TACC2: variants seen among roughly 807,000 people sequenced by gnomAD.
TACC2 encodes the protein transforming acidic coiled-coil containing protein 2.
In TACC2, 137 loss-of-function variants were observed where a neutral mutation model predicts 227.3. The ratio of observed to expected loss-of-function variants is 0.60; its 90% CI spans 0.52 to 0.69. TACC2 has a LOEUF of 0.69. Ranked by LOEUF, TACC2 falls within the 30% of genes least tolerant of loss-of-function variation. The pLI, the probability that TACC2 is intolerant of heterozygous loss-of-function variation, is 0.00. For synonymous variants in TACC2, 1,523 were observed against 1,487.5 expected (o/e 1.02, Z -0.55); for missense variants, 3,470 against 3,694.4 (o/e 0.94, Z 1.57).
chr10:122,109,902 A>G (rs1237395671), intron 5 of TACC2, among the ~76,000 whole-genome samples: 1 of 152,188 alleles, frequency 6.6e-6, no homozygotes, highest in Non-Finnish European at 1.5e-5. Context: ...TTTCAGCATA[A>G]GTTCTCTATA....
chr10:122,054,423 T>G (rs1259148851), intron 3 of TACC2, among the ~76,000 whole-genome samples: 1 of 152,210 alleles, frequency 6.6e-6, no homozygotes, highest in Non-Finnish European at 1.5e-5. Flanking sequence ...TACAGCTGAT[T>G]AGCAGTCTGG....
chr10:122,147,440 C>T (rs1045514514), intron 7 of TACC2, among the ~76,000 whole-genome samples: 1 of 152,170 alleles, frequency 6.6e-6, no homozygotes, highest in African/African-American at 2.4e-5. Context: ...CCACTGCGCC[C>T]CGCCAAGTTC....
chr10:122,084,724 T>A lies in TACC2; in HGVS notation c.2224T>A (p.Leu742Met), dbSNP rs1421860489. The A allele has an allele frequency of 6.2e-7, 1 of 1,613,490 alleles. No individual in the cohort carries two copies. The change falls in exon 4 of 23, where the codon TTG becomes ATG. Residue 742 changes from leucine (L) to methionine (M), a missense_variant. Leu to Met is a conservative substitution (Grantham distance 15). This residue lies in a region of TACC2 where 1,924 missense variants were observed against 1,978.3 expected (regional missense o/e 0.97). Coordinates refer to ENST00000369005, the MANE Select transcript of TACC2 (RefSeq NM_206862.4). ...CAAAGCCCAGGAAGGTGAGAGCACA[T>A]TGGAAATAAGGAAGATGGGCAGCTG... Reference protein sequence around the residue: ...APKAQEGESTLEIRKMGSCDG... With the variant: ...APKAQEGESTMEIRKMGSCDG...
chr10:122,081,919 G>C (rs886217870), intron 3 of TACC2, among the ~76,000 whole-genome samples: 3 of 152,184 alleles, frequency 2.0e-5, no homozygotes, highest in Non-Finnish European at 4.4e-5. Context: ...TTGCCAACTT[G>C]TGCTTTTTCC....
intron 15 of TACC2, 46 bp downstream of exon 15, chr10:122,229,532 G>A: frequency 1.2e-6 from 2 of 1,609,716 alleles, no homozygotes; most frequent in Non-Finnish European, 1.7e-6. Context: ...CAAAACCTCA[G>A]TAGAGAATGA....
chr10:122,110,450 G>A (rs1218833042), intron 5 of TACC2, among the ~76,000 whole-genome samples: 2 of 152,172 alleles, frequency 1.3e-5, no homozygotes, highest in African/African-American at 2.4e-5. Flanking sequence ...TGATATCGAC[G>A]TATTTCTGTC....
chr10:122,216,882 C>G lies in TACC2; in HGVS notation c.7546+54C>G, dbSNP rs778249068. 3.1e-6 allele frequency: 5 copies of G among 1,613,604 alleles called. No homozygotes were observed. The African/African-American group carries it at 5.3e-5, about 17-fold the overall frequency. ...CCACTCTGCCTCGGAGAATCCTGCCCCTAGGGAGCCAAAGGCCAGGAGAGA... is the reference window on the plus strand; with the variant it reads ...CCACTCTGCCTCGGAGAATCCTGCCGCTAGGGAGCCAAAGGCCAGGAGAGA... On this transcript the variant is annotated intron_variant, in intron 11 of 22. Transcript: ENST00000369005.
rs765447651 is a variant in TACC2 at position 122,210,644 on chromosome 10, G to A, written c.6219G>A (p.Thr2073=). The change falls in exon 9 of 23, where the codon ACG becomes ACA. Residue 2073 remains threonine (T), a synonymous_variant. Coordinates refer to ENST00000369005, the MANE Select transcript of TACC2 (RefSeq NM_206862.4). The surrounding 1 kb of genome is among the most constrained non-coding windows in gnomAD (Gnocchi z 4.6). ...EGKVNTRRKS[T]DSVPISKSTL... ...AAGTGAACACACGGAGGAAGTCCAC[G>A]GATTCCGTCCCCATCTCTAAGTCTA... 16 of 1,613,836 alleles carry A rather than the reference G, an allele frequency of 9.9e-6. No homozygotes were observed. The highest frequency in any genetic ancestry group is 8.9e-5 in the East Asian group (4 of 44,866).
chr10:122,088,524 A>G lies in TACC2; in HGVS notation c.5506A>G (p.Lys1836Glu). The change falls in exon 5 of 23, where the codon AAG becomes GAG. Residue 1836 changes from lysine (K) to glutamate (E), a missense_variant. Physicochemically the swap from Lys to Glu is moderately conservative, Grantham distance 56. Around this residue, in one of 10 missense-constraint regions of TACC2, gnomAD observed 1,924 missense variants for 1,978.3 expected, o/e 0.97. Coordinates refer to ENST00000369005, the MANE Select transcript of TACC2 (RefSeq NM_206862.4). ...ATCCATGTTACCTTCGGTTCCTAAG[A>G]AGGATGCTCCAAGAGTCATGGATAA... ...GPSMLPSVPK[K>E]DAPRVMDKVT... The G allele has an allele frequency of 6.2e-7, 1 of 1,613,916 alleles. No homozygotes were observed. The highest frequency in any genetic ancestry group is 1.7e-5 in the Admixed American group (1 of 59,972).
At chr10:122,001,266 C>G (rs1954288097) in intron 1 of TACC2, among the ~76,000 whole-genome samples, 1 of 152,220 alleles carries the variant, frequency 6.6e-6, no homozygotes, top group African/African-American at 2.4e-5. Flanking sequence ...TTAATTGACT[C>G]ACAGTTTCAC....
At chr10:122,018,990 C>T (rs1433075459) in intron 1 of TACC2, among the ~76,000 whole-genome samples, 1 of 152,170 alleles carries the variant, frequency 6.6e-6, no homozygotes, top group East Asian at 1.9e-4. Flanking sequence ...AGGGGTAAGG[C>T]GCTTCCATTT....
At chr10:122,230,663 T>C (rs183816784) in intron 16 of TACC2, among the ~76,000 whole-genome samples, 107 of 152,302 alleles carry the variant, frequency 7.0e-4, no homozygotes, top group African/African-American at 2.6e-3. Flanking sequence ...GTAATGCTGG[T>C]TAAATGAGAG....
intron 3 of TACC2, among the ~76,000 whole-genome samples, chr10:122,071,481 G>T (rs553882397): frequency 1.3e-5 from 2 of 151,994 alleles, no homozygotes; most frequent in Admixed American, 1.3e-4. Flanking sequence ...GATAGTTTTC[G>T]AATTTTCTTT....
At chr10:122,057,791 A>C (rs973507175) in intron 3 of TACC2, among the ~76,000 whole-genome samples, 7 of 152,008 alleles carry the variant, frequency 4.6e-5, no homozygotes, top group African/African-American at 1.4e-4. Context: ...GAGCCATTGC[A>C]CTCCAGCCTG....
rs1232356115 is a variant in TACC2 at position 122,176,115 on chromosome 10, C to CTA, written c.5835-18924_5835-18923insAT. ...TCTCTCTCTCTCTCTCTCTCTCTCT[C>CTA]TCTATATATATATATATATATATAT... On this transcript the variant is annotated intron_variant, in intron 7 of 22. Coordinates refer to ENST00000369005, the MANE Select transcript of TACC2 (RefSeq NM_206862.4). Among the ~76,000 whole-genome samples, 249 of 47,132 alleles carry CTA rather than the reference C, an allele frequency of 5.3e-3. 1 individual carries two copies. The highest frequency in any genetic ancestry group is 7.6e-3 in the Non-Finnish European group (202 of 26,708). The allele number at this position is 47,132 out of a possible 152,430, so 30.9% of individuals were successfully genotyped here.
intron 5 of TACC2, among the ~76,000 whole-genome samples, chr10:122,094,704 T>G (rs1444391379): frequency 6.6e-6 from 1 of 152,234 alleles, no homozygotes; most frequent in Non-Finnish European, 1.5e-5. Flanking sequence ...CACCTTGGCT[T>G]CTGGCTCTCC....
chr10:122,011,522 G>A (rs973289666), intron 1 of TACC2, among the ~76,000 whole-genome samples: 2 of 152,108 alleles, frequency 1.3e-5, no homozygotes, highest in Non-Finnish European at 2.9e-5. Context: ...TAGAGACAGG[G>A]TTTCACCATG....
rs1243488718 is a variant in TACC2, at chr10:122,083,901, A to G, written c.1401A>G (p.Gly467=). 1.2e-6 allele frequency: 2 copies of G among 1,614,082 alleles called. No individual in the cohort carries two copies. The highest frequency in any genetic ancestry group is 3.3e-5 in the Admixed American group (2 of 60,014). The part of the protein sequence containing the change: ...AKEVVDAGLV[G]LERQVSDLGS... ...AGGTGGTGGATGCAGGGTTGGTGGGACTGGAGAGGCAGGTGTCAGATCTTG... is the reference window on the plus strand; with the variant it reads ...AGGTGGTGGATGCAGGGTTGGTGGGGCTGGAGAGGCAGGTGTCAGATCTTG... Residue 467 remains glycine (G), a synonymous_variant, in exon 4 of 23, where the codon GGA becomes GGG. Coordinates refer to ENST00000369005, the MANE Select transcript of TACC2 (RefSeq NM_206862.4).
chr10:122,020,499 T>C (rs1459377198), intron 1 of TACC2, among the ~76,000 whole-genome samples: 2 of 152,210 alleles, frequency 1.3e-5, no homozygotes. Context: ...TTTCCAGTGA[T>C]GGTTCAGTAC....
Sources: allele counts gnomAD v4.1 joint callset (sites outside exome capture counted in the v4.1 genomes callset), GRCh38; gene constraint gnomAD v4.1.1; regional missense constraint gnomAD v4.1.1; non-coding constraint Gnocchi (gnomAD v3.1); transcripts MANE v1.5; gene names NCBI Gene and HGNC (gene_info 2026-07-23, HGNC 2026-07-21).